Variants in ZC3H13 observed in about 807,000 individuals in gnomAD.
ZC3H13 encodes zinc finger CCCH-type containing 13, also known as zinc finger CCCH domain-containing protein 13.
In ZC3H13, 64 loss-of-function variants were observed where a neutral mutation model predicts 204.1. The observed-to-expected ratio is 0.31, with a 90% CI of 0.26 to 0.39. The LOEUF is 0.39. Among genes scored for constraint, ZC3H13 ranks in the 10% least tolerant of loss-of-function variants. ZC3H13 has a pLI of 1.00. For synonymous variants in ZC3H13, 667 were observed against 693.7 expected, an observed-to-expected ratio of 0.96 and a Z score of 0.60; for missense variants, 1,833 against 2,082.7, an observed-to-expected ratio of 0.88 and a Z score of 2.33.
chr13:45,994,292 G>A (rs888853542), intron 8 of ZC3H13, among the ~76,000 whole-genome samples: 3 of 152,166 alleles, frequency 2.0e-5, no homozygotes, highest in Non-Finnish European at 4.4e-5. Flanking sequence ...TTAACAGTGG[G>A]CTATTAGTAG....
At chr13:46,007,283 A>G (rs2041223353) in intron 7 of ZC3H13, among the ~76,000 whole-genome samples, 1 of 152,236 alleles carries the variant, frequency 6.6e-6, no homozygotes, top group Admixed American at 6.5e-5. Context: ...TACCACCTCC[A>G]GGCCCAAATT....
intron 11 of ZC3H13, chr13:45,976,197 T>TC: frequency 1.0e-6 from 1 of 983,824 alleles, no homozygotes; most frequent in Non-Finnish European, 1.2e-6. Context: ...ATCTTCTCTG[T>TC]CCCCCCAGCA....
In ZC3H13 at chr13:45,967,949, T is replaced by C. The variant is rs372717448; in HGVS notation, c.3876A>G (p.Ser1292=). The C allele has an allele frequency of 1.7e-5, 27 of 1,613,972 alleles. No individual in the cohort carries two copies. Among genetic ancestry groups the C allele is most frequent in the Non-Finnish European group, 1.1e-5 (13 of 1,179,978 alleles). The change falls in exon 15 of 19, where the codon TCA becomes TCG. Residue 1292 remains serine, a synonymous_variant. Coordinates refer to ENST00000679008, the MANE Select transcript of ZC3H13 (RefSeq NM_001330564.2). ...CTTGAAGCCTGTCTCTGCTATCAAA[T>C]GACCCAGATCTTGAATGGACCTGTC... ...SDRQVHSRSG[S]FDSRDRLQER...
chr13:46,032,967 T>C (rs1415352054), intron 4 of ZC3H13, among the ~76,000 whole-genome samples: 1 of 151,172 alleles, frequency 6.6e-6, no homozygotes, highest in African/African-American at 2.4e-5. Flanking sequence ...CTAATTTGTG[T>C]GCATATATAT....
At chr13:45,957,696 C>CT (rs964503408) in intron 18 of ZC3H13, among the ~76,000 whole-genome samples, 2 of 152,156 alleles carry the variant, frequency 1.3e-5, no homozygotes, top group African/African-American at 2.4e-5. Flanking sequence ...TCAATCTTAC[C>CT]TTTACTTGAC....
chr13:46,006,933 A>G (rs949525934), intron 7 of ZC3H13, among the ~76,000 whole-genome samples: 1 of 151,660 alleles, frequency 6.6e-6, no homozygotes, highest in African/African-American at 2.4e-5. Context: ...TTAGCCACAT[A>G]TCTCATTGCA....
Position 46,008,308 on chromosome 13 carries a change from A to T in ZC3H13, c.746+2040T>A, listed in dbSNP as rs531790114. Among the ~76,000 whole-genome samples, 3 of 115,580 alleles carry T rather than the reference A, an allele frequency of 2.6e-5. No individual in the cohort carries two copies. In the Admixed American group the frequency reaches 2.8e-4, roughly 11 times the overall value. The allele number at this position is 115,580 out of a possible 152,430, so 75.8% of individuals were successfully genotyped here. On this transcript the variant is annotated intron_variant, in intron 7 of 18. Coordinates refer to ENST00000679008, the MANE Select transcript of ZC3H13 (RefSeq NM_001330564.2). The stretch of plus-strand genomic sequence containing the variant: ...ACTCTAGGAAATGTAAACTGCATAA[A>T]TGTTATACTCCAAAAAAAAAAAAAG...
intron 6 of ZC3H13, among the ~76,000 whole-genome samples, chr13:46,011,019 T>C (rs1010758675): frequency 2.6e-5 from 4 of 152,150 alleles, no homozygotes; most frequent in African/African-American, 9.7e-5. Context: ...ATAAAGTAAA[T>C]TAAAATCATA....
rs3803194 is a variant in ZC3H13 at position 45,969,280 on chromosome 13, C to G, written c.3264G>C (p.Thr1088=). 1.2e-6 allele frequency: 2 copies of G among 1,613,850 alleles called. No individual in the cohort carries two copies. Residue 1088 remains threonine, a synonymous_variant, in exon 14 of 19, where the codon ACG becomes ACC. Transcript: ENST00000679008. ...GAGGAGAAGGGGTACTACCAGGAGT[C>G]GTGGCGGTGGCAGTATGCTCTGCTT... The part of the protein sequence containing the change: ...VTEAEHTATA[T]TPGSTPSPLS...
chr13:45,970,300 G>A (rs980822853), intron 13 of ZC3H13, 62 bp downstream of exon 13: 2 of 1,542,024 alleles, frequency 1.3e-6, no homozygotes, highest in Non-Finnish European at 1.8e-6. Context: ...TAGTATGAAA[G>A]GATGGTTTCA....
intron 15 of ZC3H13, among the ~76,000 whole-genome samples, chr13:45,966,078 T>A (rs1952057487): frequency 6.6e-6 from 1 of 152,114 alleles, no homozygotes; most frequent in Non-Finnish European, 1.5e-5. Context: ...CACTAGTGTA[T>A]GTTCTATTTT....
At chr13:45,961,020 A>G (rs1406365330) in intron 17 of ZC3H13, among the ~76,000 whole-genome samples, 2 of 152,338 alleles carry the variant, frequency 1.3e-5, no homozygotes, top group South Asian at 2.1e-4. Flanking sequence ...ACTGGAGTCT[A>G]TCAGGATCAG....
chr13:45,970,033 T>C (rs1218837955), intron 13 of ZC3H13, 62 bp from the exon 14 acceptor site: 12 of 1,507,910 alleles, frequency 8.0e-6, no homozygotes, highest in African/African-American at 2.8e-5. Context: ...ATGGTACATA[T>C]AGATTATAAT....
chr13:46,015,005 C>A (rs2041824757), intron 5 of ZC3H13, among the ~76,000 whole-genome samples: 1 of 152,084 alleles, frequency 6.6e-6, no homozygotes, highest in Admixed American at 6.5e-5. Context: ...AAAAACAAGA[C>A]TTATATGAAC....
At chr13:46,048,208 G>A (rs963046196) in intron 1 of ZC3H13, among the ~76,000 whole-genome samples, 3 of 151,960 alleles carry the variant, frequency 2.0e-5, no homozygotes, top group Non-Finnish European at 4.4e-5. Flanking sequence ...TGCCTGATTC[G>A]CACTACTCTC....
In ZC3H13 at chr13:45,985,551, G is replaced by C. The variant is rs751119022; in HGVS notation, c.1466C>G (p.Thr489Ser). ...ATCTCTGGGATCACGGCTCTCTTTG[G>C]TATCTCTGCTATAATCTCTCATCTC... is the stretch of plus-strand genomic sequence containing the variant. The part of the protein sequence containing the change: ...SREMRDYSRD[T>S]KESRDPRDSR... Residue 489 changes from threonine to serine, a missense_variant, in exon 10 of 19, where the codon ACC (threonine) becomes AGC (serine). Physicochemically the swap from Thr to Ser is moderately conservative, Grantham distance 58. Around this residue, in one of 5 missense-constraint regions of ZC3H13, gnomAD observed 1,574 missense variants for 1,757.2 expected, o/e 0.90. Coordinates refer to ENST00000679008, the MANE Select transcript of ZC3H13 (RefSeq NM_001330564.2). 6 of 1,614,066 alleles carry C rather than the reference G, an allele frequency of 3.7e-6. No individual in the cohort carries two copies. The highest frequency in any genetic ancestry group is 5.1e-6 in the Non-Finnish European group (6 of 1,180,002).
chr13:45,957,294 T>C lies in ZC3H13; in HGVS notation c.4843A>G (p.Thr1615Ala). 6.0e-6 allele frequency: 9 copies of C among 1,492,748 alleles called. No homozygotes were observed. Among genetic ancestry groups the C allele is most frequent in the Non-Finnish European group, 8.1e-6 (9 of 1,113,140 alleles). The allele number at this position is 1,492,748 out of a possible 1,614,324, so 92.5% of individuals were successfully genotyped here. The part of the protein sequence containing the change: ...RKQLVKNEKG[T>A]IKQAYTSAPM... ...GCACTCGTGTAAGCTTGTTTTATGG[T>C]GCCCTATTTGAAGAAAACAAAAACA... Residue 1615 changes from threonine to alanine, a missense_variant, in exon 19 of 19, where the codon ACC (threonine) becomes GCC (alanine). By Grantham distance (58) the Thr-to-Ala change is moderately conservative. This residue lies in a region of ZC3H13 where 211 missense variants were observed against 228.4 expected (regional missense o/e 0.92). Transcript: ENST00000679008.
chr13:46,005,146 C>A (rs2041042449), intron 7 of ZC3H13, among the ~76,000 whole-genome samples: 1 of 152,112 alleles, frequency 6.6e-6, no homozygotes, highest in Non-Finnish European at 1.5e-5. Flanking sequence ...GAACATTATC[C>A]CTTGAAAATT....
chr13:46,018,936 G>T (rs1442230125), intron 5 of ZC3H13, among the ~76,000 whole-genome samples: 1 of 152,116 alleles, frequency 6.6e-6, no homozygotes, highest in Non-Finnish European at 1.5e-5. Flanking sequence ...CTCCAAACTT[G>T]AACAGTTATG....
Sources: allele counts gnomAD v4.1 joint callset (sites outside exome capture counted in the v4.1 genomes callset), GRCh38; gene constraint gnomAD v4.1.1; regional missense constraint gnomAD v4.1.1; transcripts MANE v1.5; gene names NCBI Gene and HGNC (gene_info 2026-07-23, HGNC 2026-07-21).